The following FGF14 variants were observed in gnomAD, a reference collection of about 807,000 sequenced individuals.
FGF14 encodes fibroblast growth factor homologous factor 4.
Under a neutral mutation model 25.5 loss-of-function variants are expected in FGF14, and 5 were observed. The observed-to-expected ratio is 0.20, with a 90% confidence interval of 0.10 to 0.41. The LOEUF (loss-of-function observed/expected upper bound fraction) is 0.41, where lower values mean the gene tolerates loss of function less well. Ranked by LOEUF, FGF14 falls within the 10% of genes least tolerant of loss-of-function variation. The probability of loss-of-function intolerance (pLI) is 1.00; values close to 1 mark genes in which losing one functional copy is unlikely to be tolerated. For synonymous variants in FGF14, 138 were observed against 118.3 expected (o/e 1.17, Z -1.08); for missense variants, 222 against 320.1 (o/e 0.69, Z 2.34).
At chr13:101,887,748 C>T (rs1594614184) in intron 1 of FGF14, among the ~76,000 whole-genome samples, 2 of 152,126 alleles carry the variant, frequency 1.3e-5, no homozygotes, top group South Asian at 4.2e-4. Context: ...GAATGTTCCC[C>T]ACACAAAGAA....
At chr13:102,313,152 A>G (rs900857453) in intron 1 of FGF14, among the ~76,000 whole-genome samples, 15 of 152,242 alleles carry the variant, frequency 9.9e-5, no homozygotes, top group Non-Finnish European at 2.1e-4. Flanking sequence ...CAAGGTTCAC[A>G]TTCAGCTATC....
intron 1 of FGF14, among the ~76,000 whole-genome samples, chr13:101,972,834 T>G (rs1175906157): frequency 1.3e-5 from 2 of 152,348 alleles, no homozygotes; most frequent in African/African-American, 4.8e-5. Context: ...TTTTACTTTG[T>G]TCAGGTAAGC....
At chr13:102,041,249 T>C (rs1313804773) in intron 1 of FGF14, among the ~76,000 whole-genome samples, 2 of 152,116 alleles carry the variant, frequency 1.3e-5, no homozygotes, top group Admixed American at 6.6e-5. Flanking sequence ...CATCTCAATA[T>C]ATAAATGATC....
intron 1 of FGF14, among the ~76,000 whole-genome samples, chr13:102,220,059 T>G (rs2050540545): frequency 6.6e-6 from 1 of 152,124 alleles, no homozygotes; most frequent in South Asian, 2.1e-4. Context: ...GTAAGTGACC[T>G]TAGATTTCTG....
rs2040995254 is a variant in FGF14, at chr13:102,027,564, G to T, written c.209-152268C>A. 2.6e-5 allele frequency among the ~76,000 whole-genome samples: 4 copies of T among 151,942 alleles called. 1 individual carries two copies. Among genetic ancestry groups the T allele is most frequent in the Admixed American group, 2.6e-4 (4 of 15,228 alleles). ...CAATTTACTTATTCCACACATAAAA[G>T]AAATGTCAAAAATGGCTAGTAAGTT... On this transcript the variant is annotated intron_variant, in intron 1 of 4. Transcript: ENST00000376131.
At chr13:102,245,283 T>C (rs1056153618) in intron 1 of FGF14, among the ~76,000 whole-genome samples, 3 of 152,156 alleles carry the variant, frequency 2.0e-5, no homozygotes, top group Non-Finnish European at 4.4e-5. Context: ...CCTATGCTTA[T>C]AGCAGTTTGT....
intron 1 of FGF14, among the ~76,000 whole-genome samples, chr13:101,989,334 A>G (rs1045693180): frequency 6.6e-5 from 10 of 152,138 alleles, no homozygotes; most frequent in African/African-American, 2.2e-4. Context: ...TATGCCTTTC[A>G]TATTCACCTC....
intron 1 of FGF14, among the ~76,000 whole-genome samples, chr13:102,323,233 G>T (rs138816541): frequency 6.6e-6 from 1 of 152,114 alleles, no homozygotes; most frequent in African/African-American, 2.4e-5. Flanking sequence ...GTCAGTTTGA[G>T]ACCTTTTAAG....
intron 3 of FGF14, among the ~76,000 whole-genome samples, chr13:101,728,867 G>A (rs1366438066): frequency 2.0e-5 from 3 of 152,074 alleles, no homozygotes; most frequent in Non-Finnish European, 4.4e-5. Flanking sequence ...CAGAAACGTA[G>A]GTCCACAGGA....
In FGF14 at chr13:101,904,828, C is replaced by A. The variant is rs1471333531; in HGVS notation, c.193+11625G>T. Among the ~76,000 whole-genome samples, 4 of 152,186 alleles carry A rather than the reference C, an allele frequency of 2.6e-5. No individual in the cohort carries two copies. In the East Asian group the frequency reaches 7.7e-4, roughly 29 times the overall value. ...AATGATAAAAAATGTGTCAGTTCAG[C>A]AGCAGTAGCATGGGAACAGGAAACC... On this transcript the variant is annotated intron_variant, in intron 1 of 4. Transcript: ENST00000376143.
chr13:102,103,796 C>T (rs1566688774), intron 1 of FGF14, among the ~76,000 whole-genome samples: 1 of 152,134 alleles, frequency 6.6e-6, no homozygotes, highest in Non-Finnish European at 1.5e-5. Flanking sequence ...CCGTTCTCTG[C>T]CATAGAGTAA....
chr13:101,829,899 C>T (rs1379729275), intron 3 of FGF14, among the ~76,000 whole-genome samples: 1 of 152,044 alleles, frequency 6.6e-6, no homozygotes, highest in Non-Finnish European at 1.5e-5. Context: ...GAAAATGAGG[C>T]TCACAATTTT....
At chr13:102,134,350 T>C (rs912876544) in intron 1 of FGF14, among the ~76,000 whole-genome samples, 2 of 152,158 alleles carry the variant, frequency 1.3e-5, no homozygotes, top group Non-Finnish European at 1.5e-5. Context: ...GTCCCCAATA[T>C]GCTCAAGAGA....
intron 1 of FGF14, among the ~76,000 whole-genome samples, chr13:102,399,280 T>C (rs373860888): frequency 6.6e-6 from 1 of 152,224 alleles, no homozygotes; most frequent in African/African-American, 2.4e-5. Flanking sequence ...TGCTAAATTA[T>C]TTCCCACTCT....
In FGF14 at chr13:102,106,243, T is replaced by C. The variant is rs1215899021; in HGVS notation, c.209-230947A>G. Among the ~76,000 whole-genome samples, 13 of 152,300 alleles carry C rather than the reference T, an allele frequency of 8.5e-5. No homozygotes were observed. The South Asian group carries it at 2.1e-3, about 24-fold the overall frequency. ...TAATTTGCATGTACTTTGCTTTAAATATAAAAGATGTAACAGTAATTCACT... is the reference window on the plus strand; with the variant it reads ...TAATTTGCATGTACTTTGCTTTAAACATAAAAGATGTAACAGTAATTCACT... On this transcript the variant is annotated intron_variant, in intron 1 of 4. Transcript: ENST00000376131.
chr13:101,821,053 A>G (rs1328948771), intron 3 of FGF14, among the ~76,000 whole-genome samples: 5 of 145,740 alleles, frequency 3.4e-5, no homozygotes, highest in African/African-American at 1.0e-4. Context: ...GATTCACGCC[A>G]TTCTCCTGCC....
intron 1 of FGF14, among the ~76,000 whole-genome samples, chr13:102,220,264 T>C (rs966425489): frequency 3.3e-5 from 5 of 152,196 alleles, no homozygotes; most frequent in Admixed American, 1.3e-4. Flanking sequence ...AACAAAAATA[T>C]GTGATTATAT....
chr13:101,888,419 T>C (rs1466461465), intron 1 of FGF14, among the ~76,000 whole-genome samples: 2 of 152,192 alleles, frequency 1.3e-5, no homozygotes, highest in Non-Finnish European at 2.9e-5. Context: ...TCTGTGTGCA[T>C]ATACATACAC....
intron 1 of FGF14, among the ~76,000 whole-genome samples, chr13:101,988,419 T>C (rs1340833711): frequency 6.6e-6 from 1 of 151,990 alleles, no homozygotes; most frequent in Non-Finnish European, 1.5e-5. Context: ...AATGTTTTGC[T>C]ATTGCTATTC....
Sources: allele counts gnomAD v4.1 joint callset (sites outside exome capture counted in the v4.1 genomes callset), GRCh38; gene constraint gnomAD v4.1.1; transcripts MANE v1.5; gene names NCBI Gene and HGNC (gene_info 2026-07-23, HGNC 2026-07-21).